Variants in DST observed in about 807,000 individuals in gnomAD.
DST encodes bullous pemphigoid antigen.
DST carries 253 observed loss-of-function variants against 875.2 expected under a neutral mutation model. The ratio of observed to expected loss-of-function variants is 0.29; its 90% CI spans 0.26 to 0.32. DST has a LOEUF of 0.32. Among genes scored for constraint, DST ranks in the 10% least tolerant of loss-of-function variants. The pLI is 1.00. For missense variants in DST, 8,287 were observed against 9,111.6 expected (o/e 0.91, Z 3.68); for synonymous variants, 3,124 against 3,197.1 (o/e 0.98, Z 0.77).
chr6:56,538,743 G>T (rs2097064752), intron 61 of DST, among the ~76,000 whole-genome samples: 1 of 151,982 alleles, frequency 6.6e-6, no homozygotes, highest in Non-Finnish European at 1.5e-5. Flanking sequence ...TTCCATACTG[G>T]CAGTTTATAT....
intron 50 of DST, among the ~76,000 whole-genome samples, chr6:56,574,501 AT>A (rs1335701752): frequency 2.0e-5 from 3 of 152,224 alleles, no homozygotes; most frequent in Non-Finnish European, 4.4e-5. Context: ...ATGAAAATCC[AT>A]TTAAAGTTAA....
At position 56,463,686 on chromosome 6, in the gene DST, C is replaced by A; in HGVS notation, c.22838G>T (p.Arg7613Leu). 1 of 1,613,896 alleles carries A rather than the reference C, an allele frequency of 6.2e-7. No individual in the cohort carries two copies. The highest frequency in any genetic ancestry group is 1.1e-5 in the South Asian group (1 of 91,078). The change falls in exon 101 of 104, where the codon CGA becomes CTA. Residue 7613 changes from arginine (R) to leucine (L), a missense_variant. By Grantham distance (102) the Arg-to-Leu change is moderately radical (BLOSUM62 -2). This residue lies in a region of DST where 64 missense variants were observed against 86.2 expected (regional missense o/e 0.74). Transcript: ENST00000680361. The stretch of plus-strand genomic sequence containing the variant: ...TGGCCGGGATCTTCGGCCTCGGGGT[C>A]GGAAAGCAGCCATACCCTGGCTGGC... ...DGASQGMAAF[R>L]PRGRRSRPSS... is the part of the protein sequence containing the mutation.
At position 56,954,455 on chromosome 6, in the gene DST, CT is replaced by C; in HGVS notation, c.132del (p.Arg46GlyfsTer4). The part of the protein sequence containing the change: ...FFCCWHRKLQ[K>X]GRHPMKSVFS... ...AAGACCGATTTCATCGGATGCCTCC[CT>C]TTCTGGAGCTTGCGGTGCCAGCAGC... On this transcript the variant is annotated frameshift_variant, in exon 1 of 104. Transcript: ENST00000680361. LOFTEE classifies it high-confidence loss of function. 1 of 1,367,574 alleles carries C rather than the reference CT, an allele frequency of 7.3e-7. No homozygotes were observed. Among genetic ancestry groups the C allele is most frequent in the Non-Finnish European group, 9.8e-7 (1 of 1,021,828 alleles). 84.7% of individuals were successfully genotyped at this position (1,367,574 alleles called of 1,614,324 possible).
At chr6:56,938,108 C>CTATATATATATATATATA (rs3031114) in intron 2 of DST, among the ~76,000 whole-genome samples, 1 of 120,724 alleles carries the variant, frequency 8.3e-6, no homozygotes, top group African/African-American at 3.5e-5. Flanking sequence ...CTCTCTCTCT[C>CTATATATATATATATATA]TATATATATA....
At chr6:56,744,935 T>C (rs2099568256) in intron 4 of DST, among the ~76,000 whole-genome samples, 1 of 152,242 alleles carries the variant, frequency 6.6e-6, no homozygotes, top group African/African-American at 2.4e-5. Flanking sequence ...TTTATTTCTA[T>C]TAGTATAGAC....
At chr6:56,554,073 CTTT>C (rs555704557) in intron 60 of DST, among the ~76,000 whole-genome samples, 6 of 80,836 alleles carry the variant, frequency 7.4e-5, no homozygotes, top group African/African-American at 2.5e-4. Flanking sequence ...GCGTCTATGA[CTTT>C]TTTTTTTTTT....
chr6:56,482,713 C>T lies in DST; in HGVS notation c.21372G>A (p.Lys7124=). 2 of 1,613,714 alleles carry T rather than the reference C, an allele frequency of 1.2e-6. No homozygotes were observed. Among genetic ancestry groups the T allele is most frequent in the African/African-American group, 1.3e-5 (1 of 74,994 alleles). ...GCAGGGCTGCTTCTAACCGTGTTTGCTTTGATATAGAAAGTGCACACACGG... is the reference window on the plus strand; with the variant it reads ...GCAGGGCTGCTTCTAACCGTGTTTGTTTTGATATAGAAAGTGCACACACGG... ...WETVCALSIS[K]QTRLEAALRQ... Residue 7124 remains lysine (K), a synonymous_variant, in exon 89 of 104, where the codon AAG becomes AAA. Coordinates refer to ENST00000680361, the MANE Select transcript of DST (RefSeq NM_001374736.1).
rs1159366440 is a variant in DST, at chr6:56,585,047, A to C, written c.12904-6110T>G. ...CAATGTTCATCAAGGATATTGGTCTAAAATTCTCTTTTTTGGTTGTGTCTC... is the reference window on the plus strand; with the variant it reads ...CAATGTTCATCAAGGATATTGGTCTCAAATTCTCTTTTTTGGTTGTGTCTC... On this transcript the variant is annotated intron_variant, in intron 49 of 103. Transcript: ENST00000680361. Among the ~76,000 whole-genome samples, 58 of 152,154 alleles carry C rather than the reference A, an allele frequency of 3.8e-4. 1 individual carries two copies. Among genetic ancestry groups the C allele is most frequent in the South Asian group, 1.5e-3 (7 of 4,810 alleles).
intron 48 of DST, among the ~76,000 whole-genome samples, chr6:56,592,567 A>C (rs2098297807): frequency 1.3e-5 from 2 of 152,250 alleles, no homozygotes. Context: ...ATAAAGAGAT[A>C]GTTCTGGATT....
At position 56,561,419 on chromosome 6, in the gene DST, T is replaced by C. The variant is rs2097534351; in HGVS notation, c.14199A>G (p.Ser4733=). The C allele has an allele frequency of 6.2e-7, 1 of 1,613,796 alleles. No homozygotes were observed. Among genetic ancestry groups the C allele is most frequent in the African/African-American group, 1.3e-5 (1 of 74,938 alleles). ...LSKLQKAQEE[S]SAMMQWLQKM... ...TCTGTAACCACTGCATCATTGCACT[T>C]GATTCTTCCTGAGCCTTTTGCAATT... Residue 4733 remains serine, a synonymous_variant, in exon 57 of 104, where the codon TCA becomes TCG. Transcript: ENST00000680361.
intron 36 of DST, chr6:56,620,792 A>G: frequency 7.3e-7 from 1 of 1,373,882 alleles, no homozygotes; most frequent in African/African-American, 1.4e-5. Context: ...TGTTCATAAA[A>G]GTACTTACAA....
At chr6:56,827,217 A>T (rs1409831815) in intron 4 of DST, among the ~76,000 whole-genome samples, 1 of 152,160 alleles carries the variant, frequency 6.6e-6, no homozygotes, top group Non-Finnish European at 1.5e-5. Flanking sequence ...TTTTTAATTT[A>T]AAAAATGGTA....
chr6:56,561,124 A>T (rs371833232), intron 57 of DST, among the ~76,000 whole-genome samples, 184 bp downstream of exon 57: 123 of 152,180 alleles, frequency 8.1e-4, no homozygotes, highest in African/African-American at 2.4e-3. Context: ...CCAAAAATTT[A>T]AAAAAAAGTA....
intron 4 of DST, chr6:56,843,291 G>A (rs1352388561): frequency 2.4e-6 from 3 of 1,244,608 alleles, no homozygotes; most frequent in Admixed American, 3.8e-5. Context: ...AGCCGAAGAC[G>A]CAGAGCGGGG....
chr6:56,479,751 A>AT, intron 90 of DST, among the ~76,000 whole-genome samples: 1 of 152,222 alleles, frequency 6.6e-6, no homozygotes, highest in East Asian at 1.9e-4. Context: ...AAAGATGGAA[A>AT]TAATAGACAC....
chr6:56,721,208 A>G (rs2099415143), intron 5 of DST, among the ~76,000 whole-genome samples: 1 of 92,334 alleles, frequency 1.1e-5, no homozygotes, highest in South Asian at 2.4e-4. Context: ...CACCTCCCAG[A>G]TGGGGCAGCT....
At chr6:56,774,714 C>T (rs966650743) in intron 4 of DST, among the ~76,000 whole-genome samples, 2 of 152,066 alleles carry the variant, frequency 1.3e-5, no homozygotes, top group African/African-American at 2.4e-5. Context: ...AATACAAGGC[C>T]GGGCATGATG....
chr6:56,946,665 C>T (rs747694943), intron 2 of DST, among the ~76,000 whole-genome samples: 21 of 152,114 alleles, frequency 1.4e-4, no homozygotes, highest in Non-Finnish European at 2.8e-4. Flanking sequence ...GGAAGGAAGG[C>T]TAAGATGCCA....
At chr6:56,577,290 T>G (rs2097885584) in intron 50 of DST, among the ~76,000 whole-genome samples, 1 of 152,192 alleles carries the variant, frequency 6.6e-6, no homozygotes. Context: ...AAGATAGTCT[T>G]TCTTTCTCCT....
Sources: gnomAD v4.1 joint callset for allele counts (sites outside exome capture counted in the v4.1 genomes callset) on GRCh38, gnomAD v4.1.1 for gene constraint, gnomAD v4.1.1 regional missense constraint, MANE v1.5 for transcripts, NCBI Gene and HGNC (gene_info 2026-07-23, HGNC 2026-07-21) for gene names.